GSDMB: variants seen among roughly 807,000 people sequenced by gnomAD.
GSDMB encodes the protein gasdermin-B.
GSDMB carries 32 observed loss-of-function variants against 42.9 expected under a neutral mutation model. The observed-to-expected ratio is 0.75, with a 90% CI of 0.56 to 1.00. The LOEUF (loss-of-function observed/expected upper bound fraction) is 1.00. Ranked by LOEUF, GSDMB falls within the 50% of genes least tolerant of loss-of-function variation. GSDMB has a pLI of 0.00. For synonymous variants in GSDMB, 175 were observed against 193.7 expected, an observed-to-expected ratio of 0.90 and a Z score of 0.80; for missense variants, 468 against 498.5, an observed-to-expected ratio of 0.94 and a Z score of 0.58.
chr17:39,910,982 G>A (rs2063597631), intron 3 of GSDMB, among the ~76,000 whole-genome samples: 1 of 152,168 alleles, frequency 6.6e-6, no homozygotes, highest in African/African-American at 2.4e-5. Context: ...AAATTTTATT[G>A]TAAGCCTTTG....
chr17:39,915,169 G>C (rs1038191614), intron 2 of GSDMB, among the ~76,000 whole-genome samples: 4 of 151,804 alleles, frequency 2.6e-5, no homozygotes, highest in African/African-American at 9.7e-5. Flanking sequence ...ACAGGGTTTC[G>C]CCATGTTGGC....
chr17:39,905,962 C>A lies in GSDMB; in HGVS notation c.912G>T (p.Gly304=), dbSNP rs1207738982. 2 of 1,613,918 alleles carry A rather than the reference C, an allele frequency of 1.2e-6. No individual in the cohort carries two copies. Among genetic ancestry groups the A allele is most frequent in the Non-Finnish European group, 1.7e-6 (2 of 1,179,990 alleles). Residue 304 remains glycine, a synonymous_variant, in exon 9 of 11, where the codon GGG becomes GGT. Coordinates refer to ENST00000418519, the MANE Select transcript of GSDMB (RefSeq NM_001165958.2). ...EQRVSEVLIS[G]ELHMEDPDKP... ...TGTCTGGGTCCTCCATGTGTAGCTC[C>A]CCGGAAATCAGGACCTCAGATACCT... is the stretch of plus-strand genomic sequence containing the variant.
At chr17:39,907,187 AG>A in intron 6 of GSDMB, 200 bp from the exon 7 acceptor site, 1 of 1,417,834 alleles carries the variant, frequency 7.1e-7, no homozygotes, top group South Asian at 1.5e-5. Flanking sequence ...AAAAACAGGC[AG>A]TCATAGGACT....
chr17:39,913,429 C>A (rs8069149), intron 2 of GSDMB, among the ~76,000 whole-genome samples: 5,249 of 152,220 alleles, frequency 0.034, 302 homozygotes, highest in African/African-American at 0.12. Flanking sequence ...TGGAGACCAA[C>A]CTGGCCAACA....
At chr17:39,912,236 T>G in intron 3 of GSDMB, 90 bp downstream of exon 3, 1 of 886,156 alleles carries the variant, frequency 1.1e-6, no homozygotes, top group African/African-American at 1.7e-5. Flanking sequence ...TAAATAAATT[T>G]TAAAAAGAGC....
Position 39,908,842 on chromosome 17 carries a change from A to G in GSDMB, c.661+116T>C, listed in dbSNP as rs1173300430. On this transcript the variant is annotated intron_variant, in intron 5 of 10. Coordinates refer to ENST00000418519, the MANE Select transcript of GSDMB (RefSeq NM_001165958.2). ...ACCCTTTTCCCTGGACCCCTCCCCA[A>G]CCTCCAAGCTCACCAGCCACCCACC... The G allele has an allele frequency of 3.9e-5, 28 of 726,626 alleles. No homozygotes were observed. In the East Asian group the frequency reaches 7.0e-4, roughly 18 times the overall value. 45.0% of individuals were successfully genotyped at this position (726,626 alleles called of 1,614,324 possible). A position where few individuals can be genotyped will look rare whatever the true frequency, so the allele number is the denominator to read the frequency against.
chr17:39,908,124 G>T (rs1327156633), intron 6 of GSDMB, 52 bp downstream of exon 6: 1 of 1,004,594 alleles, frequency 1.0e-6, no homozygotes, highest in Non-Finnish European at 1.6e-6. Flanking sequence ...TTTAAAAATA[G>T]TGTCTTTGCC....
chr17:39,911,408 C>T lies in GSDMB; in HGVS notation c.407+918G>A, dbSNP rs139329192. On this transcript the variant is annotated intron_variant, in intron 3 of 10. Transcript: ENST00000418519. ...GGCCAGGAAAACTGTGGGTCACCTT[C>T]CCCTGAGCTACTCCTCAATCTCCAA... is the stretch of plus-strand genomic sequence containing the variant. 2.1e-3 allele frequency among the ~76,000 whole-genome samples: 318 copies of T among 152,122 alleles called. 2 individuals are homozygous for T. Among genetic ancestry groups the T allele is most frequent in the Non-Finnish European group, 3.6e-3 (247 of 67,984 alleles).
At position 39,905,432 on chromosome 17, in the gene GSDMB, C is replaced by T; in HGVS notation, c.1092G>A (p.Lys364=). The change falls in exon 10 of 11, where the codon AAG becomes AAA. Residue 364 remains lysine (K), a synonymous_variant. Coordinates refer to ENST00000418519, the MANE Select transcript of GSDMB (RefSeq NM_001165958.2). The part of the protein sequence containing the change: ...ALEKGTLPLL[K]DQVKSVMEQN... ...TCAGCCCAGGCTGTCTCACCTGGTC[C>T]TTCAACAGAGGAAGGGTCCCCTTCT... 6.2e-7 allele frequency: 1 copy of T among 1,603,112 alleles called. No homozygotes were observed. Among genetic ancestry groups the T allele is most frequent in the Non-Finnish European group, 8.5e-7 (1 of 1,174,012 alleles).
At position 39,917,586 on chromosome 17, in the gene GSDMB, CGCCG is replaced by C. The variant is rs796998402; in HGVS notation, c.-14-260_-14-257del. On this transcript the variant is annotated intron_variant, in intron 1 of 10. Coordinates refer to ENST00000418519, the MANE Select transcript of GSDMB (RefSeq NM_001165958.2). ...CCACCCTGATACAATATAGTCTCCC[CGCCG>C]CCGCCCTTAAGAAGGTACTTTGTAA... 261 of 406,506 alleles carry C rather than the reference CGCCG, an allele frequency of 6.4e-4. 1 individual carries two copies. Among genetic ancestry groups the C allele is most frequent in the Middle Eastern group, 2.3e-3 (3 of 1,306 alleles). The allele number at this position is 406,506 out of a possible 1,614,324, so 25.2% of individuals were successfully genotyped here.
chr17:39,904,696 T>C lies in GSDMB; in HGVS notation c.*116A>G, dbSNP rs971237092. The stretch of plus-strand genomic sequence containing the variant: ...GCGAATGGGATACATCAAAGAATGG[T>C]TGGCTGCTTGTTTTAAAGAGGTCCC... On this transcript the variant is annotated 3_prime_UTR_variant, in exon 11 of 11. Coordinates refer to ENST00000418519, the MANE Select transcript of GSDMB (RefSeq NM_001165958.2). 3.7e-6 allele frequency: 3 copies of C among 807,634 alleles called. No individual in the cohort carries two copies. Among genetic ancestry groups the C allele is most frequent in the Non-Finnish European group, 6.0e-6 (3 of 499,884 alleles). 50.0% of individuals were successfully genotyped at this position (807,634 alleles called of 1,614,324 possible). A position where few individuals can be genotyped will look rare whatever the true frequency, so the allele number is the denominator to read the frequency against.
intron 5 of GSDMB, 110 bp from the exon 6 acceptor site, chr17:39,908,324 C>CAAAAA (rs3076830): frequency 0.014 from 3,528 of 245,564 alleles, 76 homozygotes; most frequent in African/African-American, 0.026. Context: ...AGCCTCCAAT[C>CAAAAA]AAAAAAAAAA....
intron 2 of GSDMB, among the ~76,000 whole-genome samples, chr17:39,914,502 C>T (rs572854244): frequency 9.2e-5 from 14 of 152,148 alleles, no homozygotes; most frequent in Non-Finnish European, 2.1e-4. Context: ...CGGCTCACAC[C>T]TGTAATCCCA....
At chr17:39,908,679 CA>C in intron 5 of GSDMB, among the ~76,000 whole-genome samples, 1 of 152,128 alleles carries the variant, frequency 6.6e-6, no homozygotes, top group African/African-American at 2.4e-5. Context: ...CACGTCCAGC[CA>C]AAAAAGACAA....
chr17:39,907,310 A>T, intron 6 of GSDMB: 1 of 565,068 alleles, frequency 1.8e-6, no homozygotes, highest in Non-Finnish European at 2.4e-6. Flanking sequence ...TCTCTTAGGC[A>T]GTACAACCCT....
chr17:39,914,961 C>A (rs1407407595), intron 2 of GSDMB, among the ~76,000 whole-genome samples: 1 of 151,764 alleles, frequency 6.6e-6, no homozygotes, highest in East Asian at 2.0e-4. Context: ...CTCAGCCTCC[C>A]GAGTAGCTGG....
rs753812613 is a variant in GSDMB at position 39,909,016 on chromosome 17, T to TG, written c.602dup (p.Asn202LysfsTer81). On this transcript the variant is annotated frameshift_variant, in exon 5 of 11. Coordinates refer to ENST00000418519, the MANE Select transcript of GSDMB (RefSeq NM_001165958.2). LOFTEE classifies it high-confidence loss of function. ...TTACTCGATAGCTCAGGACCCGATT[T>TG]GGGGGGATGGTCACTTCCCTTTGGC... is the stretch of plus-strand genomic sequence containing the variant. The TG allele has an allele frequency of 2.5e-6, 4 of 1,602,302 alleles. No homozygotes were observed. The highest frequency in any genetic ancestry group is 3.4e-6 in the Non-Finnish European group (4 of 1,175,162).
intron 2 of GSDMB, among the ~76,000 whole-genome samples, chr17:39,914,400 T>A (rs554360070): frequency 6.6e-6 from 1 of 152,090 alleles, no homozygotes; most frequent in Non-Finnish European, 1.5e-5. Flanking sequence ...TAAGGAGACA[T>A]GACAACGAAA....
Position 39,905,867 on chromosome 17 carries a change from T to A in GSDMB, c.1007A>T (p.Asp336Val), listed in dbSNP as rs572572336. Residue 336 changes from aspartate (D) to valine (V), a missense_variant, in exon 9 of 11, where the codon GAC (aspartate) becomes GTC (valine). By Grantham distance (152) the Asp-to-Val change is radical. Coordinates refer to ENST00000418519, the MANE Select transcript of GSDMB (RefSeq NM_001165958.2). ...LVEARAKAIL[D>V]FLDALLELSE... ...CTCACCTAGCAGGGCATCCAGGAAG[T>A]CCAGAATGGCTTTTGCACGCGCTTC... The A allele has an allele frequency of 5.0e-6, 8 of 1,613,896 alleles. No individual in the cohort carries two copies. The East Asian group carries it at 1.6e-4, about 31-fold the overall frequency.
Sources: allele counts gnomAD v4.1 joint callset (sites outside exome capture counted in the v4.1 genomes callset), GRCh38; gene constraint gnomAD v4.1.1; transcripts MANE v1.5; gene names NCBI Gene and HGNC (gene_info 2026-07-23, HGNC 2026-07-21).